The following DNAH8 variants were observed in gnomAD, a reference collection of about 807,000 sequenced individuals.
The protein encoded by DNAH8 is axonemal beta dynein heavy chain 8.
In DNAH8, 382 loss-of-function variants were observed where a neutral mutation model predicts 562.1. That is an observed-to-expected ratio of 0.68 (90% CI 0.63 to 0.74). DNAH8 has a LOEUF of 0.74. DNAH8 is among the 30% of genes least tolerant of loss of function. The probability of loss-of-function intolerance (pLI) is 0.00; values close to 1 mark genes in which losing one functional copy is unlikely to be tolerated. For synonymous variants in DNAH8, 1,881 were observed against 1,919.4 expected, an observed-to-expected ratio of 0.98 and a Z score of 0.52; for missense variants, 5,203 against 5,620.4, an observed-to-expected ratio of 0.93 and a Z score of 2.37.
intron 53 of DNAH8, among the ~76,000 whole-genome samples, chr6:38,881,771 G>A (rs862428): frequency 0.21 from 32,356 of 151,874 alleles, 4,409 homozygotes; most frequent in African/African-American, 0.37. Context: ...GGCTGGTCGC[G>A]AACTTCCAAC....
chr6:38,834,748 C>T, intron 32 of DNAH8, 107 bp downstream of exon 32: 1 of 816,410 alleles, frequency 1.2e-6, no homozygotes, highest in Non-Finnish European at 2.0e-6. Flanking sequence ...ATTTCAAGTA[C>T]ATCAGTCCTT....
chr6:38,876,259 C>T (rs1393116502), intron 53 of DNAH8, among the ~76,000 whole-genome samples: 2 of 152,188 alleles, frequency 1.3e-5, no homozygotes, highest in Non-Finnish European at 2.9e-5. Flanking sequence ...AGGTCCAGCG[C>T]TGTCACCTTA....
At chr6:38,826,458 T>C (rs1034436422) in intron 29 of DNAH8, 67 bp downstream of exon 29, 25 of 958,390 alleles carry the variant, frequency 2.6e-5, no homozygotes, top group Non-Finnish European at 3.9e-5. Flanking sequence ...AGAGACACAC[T>C]AAGAAAGTGA....
At chr6:38,755,437 A>G (rs1052524586) in intron 9 of DNAH8, among the ~76,000 whole-genome samples, 40 of 152,208 alleles carry the variant, frequency 2.6e-4, no homozygotes, top group African/African-American at 9.1e-4. Flanking sequence ...GTTGTGAGCT[A>G]CTCATGAATA....
At chr6:38,909,849 C>T (rs923824632) in intron 65 of DNAH8, 105 bp downstream of exon 65, 37 of 903,622 alleles carry the variant, frequency 4.1e-5, no homozygotes, top group Non-Finnish European at 5.1e-5. Context: ...TCATTGAGCA[C>T]GAGCTGTATT....
rs534673396 is a variant in DNAH8, at chr6:38,830,244, AT to A, written c.4188+1964del. On this transcript the variant is annotated intron_variant, in intron 30 of 92. Coordinates refer to ENST00000327475, the MANE Select transcript of DNAH8 (RefSeq NM_001206927.2). ...GCAAAGTTGAGGTTACTGATTTGAG[AT>A]TTTTTTTCTTTTAATGTAGAACTTG... Among the ~76,000 whole-genome samples the A allele has an allele frequency of 9.9e-5, 15 of 151,740 alleles. No individual in the cohort carries two copies. The South Asian group carries it at 2.1e-3, about 21-fold the overall frequency.
intron 44 of DNAH8, among the ~76,000 whole-genome samples, chr6:38,863,069 A>G (rs893797275): frequency 6.6e-6 from 1 of 152,194 alleles, no homozygotes; most frequent in Non-Finnish European, 1.5e-5. Context: ...TTGAAACTCT[A>G]GATTCATTAC....
chr6:38,759,262 A>G (rs71571350), intron 10 of DNAH8, among the ~76,000 whole-genome samples: 14,023 of 152,118 alleles, frequency 0.092, 838 homozygotes, highest in East Asian at 0.22. Context: ...AAGCTGTGAT[A>G]ACACCATGGC....
intron 73 of DNAH8, 26 bp from the exon 74 acceptor site, chr6:38,926,029 G>T: frequency 6.2e-7 from 1 of 1,602,756 alleles, no homozygotes; most frequent in South Asian, 1.1e-5. Flanking sequence ...TCCTTTGAAT[G>T]GTGATATCCA....
rs572787682 is a variant in DNAH8 at position 38,821,586 on chromosome 6, T to TG, written c.3524-1248dup. 2.3e-4 allele frequency among the ~76,000 whole-genome samples: 35 copies of TG among 152,306 alleles called. No individual in the cohort carries two copies. In the East Asian group the frequency reaches 6.4e-3, roughly 28 times the overall value. On this transcript the variant is annotated intron_variant, in intron 26 of 92. Coordinates refer to ENST00000327475, the MANE Select transcript of DNAH8 (RefSeq NM_001206927.2). ...CTACTTGGTTTTATTTATTTAGAGA[T>TG]GGGGTCCCACTCTGTTGCCCAGGCT...
chr6:38,822,704 A>G, intron 26 of DNAH8, 134 bp from the exon 27 acceptor site: 1 of 665,918 alleles, frequency 1.5e-6, no homozygotes, highest in Non-Finnish European at 2.3e-6. Flanking sequence ...TTAATTACTC[A>G]AAATAGCTCT....
intron 91 of DNAH8, among the ~76,000 whole-genome samples, chr6:39,014,396 G>A (rs1167569909): frequency 5.3e-5 from 8 of 152,174 alleles, no homozygotes; most frequent in Admixed American, 5.2e-4. Context: ...TGGGGAGCAT[G>A]AAGTAATAGC....
Position 38,781,381 on chromosome 6 carries a change from A to G in DNAH8, c.2259+8A>G. 1 of 1,612,504 alleles carries G rather than the reference A, an allele frequency of 6.2e-7. No homozygotes were observed. The highest frequency in any genetic ancestry group is 8.5e-7 in the Non-Finnish European group (1 of 1,179,428). On this transcript the variant is annotated splice_region_variant and intron_variant, in intron 16 of 92. Coordinates refer to ENST00000327475, the MANE Select transcript of DNAH8 (RefSeq NM_001206927.2). ...CCCATCAATTATTTCTTTGTAAGCC[A>G]AGAATTAAATTTTAATATGTGGATT...
chr6:38,887,040 C>T (rs1391510596), intron 57 of DNAH8, 36 bp downstream of exon 57: 1 of 1,399,310 alleles, frequency 7.1e-7, no homozygotes, highest in South Asian at 1.2e-5. Context: ...TATTGCATTA[C>T]ATAATGGACA....
At chr6:38,798,061 G>A (rs758784836) in intron 21 of DNAH8, among the ~76,000 whole-genome samples, 4 of 150,734 alleles carry the variant, frequency 2.7e-5, no homozygotes, top group Non-Finnish European at 5.9e-5. Context: ...GCCACAGAGC[G>A]AGACTCCGTC....
chr6:38,924,762 C>G (rs1026216075), intron 73 of DNAH8, among the ~76,000 whole-genome samples: 15 of 152,198 alleles, frequency 9.9e-5, no homozygotes, highest in Admixed American at 3.9e-4. Flanking sequence ...TGAAGTCATA[C>G]TCTCTTTCAA....
At position 38,868,057 on chromosome 6, in the gene DNAH8, C is replaced by T. The variant is rs1777191335; in HGVS notation, c.6694-5C>T. 34 of 1,606,110 alleles carry T rather than the reference C, an allele frequency of 2.1e-5. No individual in the cohort carries two copies. The highest frequency in any genetic ancestry group is 2.8e-5 in the Non-Finnish European group (33 of 1,177,850). ...CCATCTTTTTGCCCTCTTCTCCCATCTCAGGTTCATTATGACTTTGGATTG... is the reference window on the plus strand; with the variant it reads ...CCATCTTTTTGCCCTCTTCTCCCATTTCAGGTTCATTATGACTTTGGATTG... On this transcript the variant is annotated splice_region_variant and splice_polypyrimidine_tract_variant and intron_variant, in intron 47 of 92. Transcript: ENST00000327475.
chr6:38,776,124 C>T (rs1320831701), intron 13 of DNAH8, among the ~76,000 whole-genome samples, 173 bp downstream of exon 13: 1 of 151,730 alleles, frequency 6.6e-6, no homozygotes, highest in East Asian at 1.9e-4. Context: ...AACTACTCCA[C>T]TAAAGGATTT....
At chr6:38,977,873 A>G (rs1763778976) in intron 85 of DNAH8, among the ~76,000 whole-genome samples, 1 of 152,184 alleles carries the variant, frequency 6.6e-6, no homozygotes, top group South Asian at 2.1e-4. Context: ...TTCTCAGCCA[A>G]TGCCTGGGCC....
Sources: gnomAD v4.1 joint callset for allele counts (sites outside exome capture counted in the v4.1 genomes callset) on GRCh38, gnomAD v4.1.1 for gene constraint, MANE v1.5 for transcripts, NCBI Gene and HGNC (gene_info 2026-07-23, HGNC 2026-07-21) for gene names.